Variants in NEGR1 observed in about 807,000 individuals in gnomAD.
NEGR1 encodes the protein neuronal growth regulator 1.
In NEGR1, 10 loss-of-function variants were observed where a neutral mutation model predicts 40.9. The observed-to-expected ratio is 0.24, with a 90% CI of 0.15 to 0.42. The LOEUF is 0.42. Among genes scored for constraint, NEGR1 ranks in the 10% least tolerant of loss-of-function variants. NEGR1 has a pLI of 1.00. For synonymous variants in NEGR1, 185 were observed against 166.8 expected, an observed-to-expected ratio of 1.11 and a Z score of -0.84; for missense variants, 352 against 438.9, an observed-to-expected ratio of 0.80 and a Z score of 1.77.
chr1:71,542,986 G>A (rs760212752), intron 6 of NEGR1, among the ~76,000 whole-genome samples: 9 of 151,664 alleles, frequency 5.9e-5, no homozygotes, highest in Non-Finnish European at 8.9e-5. Context: ...ACATACATAT[G>A]TGTGTGTATG....
chr1:71,628,153 T>C (rs1195015080), intron 4 of NEGR1, among the ~76,000 whole-genome samples: 2 of 152,066 alleles, frequency 1.3e-5, no homozygotes, highest in Non-Finnish European at 2.9e-5. Context: ...TATTGTCTCT[T>C]CTTTTAATAA....
chr1:71,444,833 AGT>A (rs1646570007), intron 6 of NEGR1, among the ~76,000 whole-genome samples: 1 of 152,206 alleles, frequency 6.6e-6, no homozygotes, highest in Admixed American at 6.5e-5. Context: ...AATATAACAC[AGT>A]TTTTGTCCAA....
intron 2 of NEGR1, among the ~76,000 whole-genome samples, chr1:71,815,449 C>T (rs12745009): frequency 0.051 from 7,802 of 152,074 alleles, 276 homozygotes; most frequent in Non-Finnish European, 0.072. Context: ...GAGGTCAAGT[C>T]CTAAATATCC....
intron 1 of NEGR1, among the ~76,000 whole-genome samples, chr1:72,095,647 A>G (rs996902329): frequency 1.3e-5 from 2 of 151,676 alleles, no homozygotes; most frequent in African/African-American, 4.9e-5. Context: ...ATATACATAT[A>G]TATATTTTTT....
intron 2 of NEGR1, among the ~76,000 whole-genome samples, chr1:71,854,007 TG>T (rs1230287848): frequency 3.3e-5 from 5 of 152,118 alleles, no homozygotes; most frequent in African/African-American, 1.2e-4. Context: ...GGTGAAATGT[TG>T]TTGATTCTGT....
At chr1:71,613,656 GA>G (rs59515553) in intron 4 of NEGR1, among the ~76,000 whole-genome samples, 14,913 of 130,724 alleles carry the variant, frequency 0.11, 1,005 homozygotes, top group African/African-American at 0.21. Flanking sequence ...ACTCCATCTC[GA>G]AAAAAAAAAA....
rs767999293 is a variant in NEGR1 at position 72,282,528 on chromosome 1, C to G, written c.-34G>C. The G allele has an allele frequency of 4.2e-5, 66 of 1,553,674 alleles. No homozygotes were observed. Among genetic ancestry groups the G allele is most frequent in the Non-Finnish European group, 5.1e-5 (58 of 1,143,564 alleles). On this transcript the variant is annotated 5_prime_UTR_variant, in exon 1 of 7. Transcript: ENST00000357731. ...GGGCTGCTCACTCTCCAGCAGCTTT[C>G]AGCTCGCACTCCCCCACCCCCTGGT...
intron 6 of NEGR1, among the ~76,000 whole-genome samples, chr1:71,561,274 A>T (rs1455148685): frequency 6.6e-6 from 1 of 151,672 alleles, no homozygotes; most frequent in African/African-American, 2.4e-5. Flanking sequence ...TAACACTCAA[A>T]TTTCAATTTT....
At chr1:71,609,335 G>A (rs1394085525) in intron 5 of NEGR1, among the ~76,000 whole-genome samples, 1 of 151,098 alleles carries the variant, frequency 6.6e-6, no homozygotes, top group Non-Finnish European at 1.5e-5. Context: ...CTAACATGGT[G>A]AAACCCTGTC....
In NEGR1 at chr1:71,851,329, A is replaced by G. The variant is rs374975719; in HGVS notation, c.410-75032T>C. On this transcript the variant is annotated intron_variant, in intron 2 of 6. Coordinates refer to ENST00000357731, the MANE Select transcript of NEGR1 (RefSeq NM_173808.3). ...ACATCCTAGGTATGTTTTCTAAATA[A>G]TTTACTGAACAGTTTTGATGCCTTA... Among the ~76,000 whole-genome samples the G allele has an allele frequency of 1.2e-4, 19 of 152,256 alleles. No individual in the cohort carries two copies. In the East Asian group the frequency reaches 1.9e-3, roughly 15 times the overall value.
At chr1:72,020,831 T>C (rs1646749958) in intron 1 of NEGR1, among the ~76,000 whole-genome samples, 1 of 152,206 alleles carries the variant, frequency 6.6e-6, no homozygotes, top group Non-Finnish European at 1.5e-5. Context: ...GCTATTATAC[T>C]AGCATACAAA....
At chr1:71,469,710 C>T (rs913908059) in intron 6 of NEGR1, among the ~76,000 whole-genome samples, 12 of 152,044 alleles carry the variant, frequency 7.9e-5, no homozygotes, top group African/African-American at 1.2e-4. Context: ...ATAGATCTTT[C>T]TCTAAAGAAG....
chr1:71,678,620 G>A (rs1244804556), intron 4 of NEGR1, among the ~76,000 whole-genome samples: 3 of 152,060 alleles, frequency 2.0e-5, no homozygotes, highest in Non-Finnish European at 4.4e-5. Context: ...ACCTATGAGT[G>A]GACATTTCCT....
At chr1:71,541,326 A>G (rs1024677983) in intron 6 of NEGR1, among the ~76,000 whole-genome samples, 2 of 151,758 alleles carry the variant, frequency 1.3e-5, no homozygotes, top group Admixed American at 1.3e-4. Flanking sequence ...AATTTCTGAC[A>G]TAATAGAAGA....
chr1:71,747,359 A>C (rs1313922725), intron 3 of NEGR1, among the ~76,000 whole-genome samples: 1 of 152,192 alleles, frequency 6.6e-6, no homozygotes, highest in Non-Finnish European at 1.5e-5. Flanking sequence ...AAAACATAAA[A>C]ATAAATGTAG....
intron 2 of NEGR1, among the ~76,000 whole-genome samples, chr1:71,897,813 G>A (rs757735585): frequency 5.3e-5 from 8 of 152,158 alleles, no homozygotes; most frequent in Non-Finnish European, 1.0e-4. Flanking sequence ...TAAAAATTTT[G>A]AGGAGTGCTT....
At chr1:71,748,321 A>C (rs1026244192) in intron 3 of NEGR1, among the ~76,000 whole-genome samples, 1 of 152,190 alleles carries the variant, frequency 6.6e-6, no homozygotes, top group Admixed American at 6.5e-5. Context: ...GTTAGTACAC[A>C]ATGTAGTTCC....
intron 1 of NEGR1, among the ~76,000 whole-genome samples, chr1:71,943,151 A>G (rs1158098058): frequency 1.4e-5 from 2 of 142,822 alleles, no homozygotes; most frequent in African/African-American, 2.6e-5. Context: ...ATATATATAT[A>G]AAACAAACTT....
intron 4 of NEGR1, among the ~76,000 whole-genome samples, chr1:71,688,071 A>G (rs1653096372): frequency 6.6e-6 from 1 of 151,596 alleles, no homozygotes; most frequent in South Asian, 2.1e-4. Flanking sequence ...TGTGCTAGGT[A>G]CTGGGAATAA....
Sources: gnomAD v4.1 joint callset for allele counts (sites outside exome capture counted in the v4.1 genomes callset) on GRCh38, gnomAD v4.1.1 for gene constraint, MANE v1.5 for transcripts, NCBI Gene and HGNC (gene_info 2026-07-23, HGNC 2026-07-21) for gene names.